TRPC4: variants seen among roughly 807,000 people sequenced by gnomAD.
The protein encoded by TRPC4 is transient receptor potential cation channel subfamily C member 4.
TRPC4 carries 49 observed loss-of-function variants against 99.4 expected under a neutral mutation model. That is an observed-to-expected ratio of 0.49 (90% CI 0.39 to 0.63). The LOEUF (loss-of-function observed/expected upper bound fraction) is 0.63, where lower values mean the gene tolerates loss of function less well. Ranked by LOEUF, TRPC4 falls within the 20% of genes least tolerant of loss-of-function variation. The probability of loss-of-function intolerance (pLI) is 0.00; values close to 1 mark genes in which losing one functional copy is unlikely to be tolerated. For missense variants in TRPC4, 898 were observed against 1,152.9 expected (o/e 0.78, Z 3.20); for synonymous variants, 454 against 425.9 (o/e 1.07, Z -0.81).
intron 2 of TRPC4, among the ~76,000 whole-genome samples, chr13:37,747,531 AC>A (rs1955820969): frequency 6.6e-6 from 1 of 152,170 alleles, no homozygotes; most frequent in Non-Finnish European, 1.5e-5. Flanking sequence ...ATGATGACTC[AC>A]GTCACATTGA....
chr13:37,764,977 C>T (rs1312380653), intron 2 of TRPC4, among the ~76,000 whole-genome samples: 1 of 150,668 alleles, frequency 6.6e-6, no homozygotes, highest in African/African-American at 2.4e-5. Context: ...ATGTTGTCCT[C>T]TTCAGGCTTT....
At chr13:37,714,319 G>T (rs1281631147) in intron 3 of TRPC4, among the ~76,000 whole-genome samples, 1 of 151,982 alleles carries the variant, frequency 6.6e-6, no homozygotes, top group Admixed American at 6.6e-5. Flanking sequence ...TAGAGACAGG[G>T]TTTCACCACG....
At chr13:37,657,602 T>A (rs1214963895) in intron 6 of TRPC4, among the ~76,000 whole-genome samples, 3 of 152,190 alleles carry the variant, frequency 2.0e-5, no homozygotes, top group Non-Finnish European at 4.4e-5. Flanking sequence ...AAGTTGTAAG[T>A]TAAATATTAT....
chr13:37,838,301 T>A (rs191029661), intron 1 of TRPC4, among the ~76,000 whole-genome samples: 3 of 152,172 alleles, frequency 2.0e-5, no homozygotes, highest in African/African-American at 7.2e-5. Context: ...TGGGAACTTA[T>A]TAGGAATGCA....
At chr13:37,850,340 G>T (rs1388150253) in intron 1 of TRPC4, among the ~76,000 whole-genome samples, 2 of 152,178 alleles carry the variant, frequency 1.3e-5, no homozygotes, top group African/African-American at 4.8e-5. Context: ...AGAGCTCTTA[G>T]TTGGAACTCA....
At position 37,755,462 on chromosome 13, in the gene TRPC4, G is replaced by T. The variant is rs148399110; in HGVS notation, c.379-9007C>A. Among the ~76,000 whole-genome samples the T allele has an allele frequency of 6.8e-3, 1,033 of 151,574 alleles. 6 individuals carry two copies. The highest frequency in any genetic ancestry group is 0.025 in the South Asian group (122 of 4,796). On this transcript the variant is annotated intron_variant, in intron 2 of 10. Transcript: ENST00000379705. ...TATTTTTTTATTTTTAGTAGAGACA[G>T]GGTCTCACTGTATTGCCCAGGCTGG... is the stretch of plus-strand genomic sequence containing the variant.
At chr13:37,816,607 A>G (rs373381538) in intron 1 of TRPC4, among the ~76,000 whole-genome samples, 2 of 152,058 alleles carry the variant, frequency 1.3e-5, no homozygotes, top group African/African-American at 4.8e-5. Context: ...CTTGAAGAAC[A>G]TTGATGCAAA....
chr13:37,727,225 C>T (rs1370069209), intron 3 of TRPC4, among the ~76,000 whole-genome samples: 16 of 151,886 alleles, frequency 1.1e-4, no homozygotes, highest in Admixed American at 1.1e-3. Flanking sequence ...TGATATCATA[C>T]AAAGTATCTT....
chr13:37,687,243 G>A (rs1404293841), intron 4 of TRPC4, among the ~76,000 whole-genome samples: 1 of 152,160 alleles, frequency 6.6e-6, no homozygotes, highest in African/African-American at 2.4e-5. Flanking sequence ...GATTATAGGT[G>A]TGAGCCACCA....
chr13:37,660,130 C>T (rs898589431), intron 6 of TRPC4, among the ~76,000 whole-genome samples: 3 of 151,852 alleles, frequency 2.0e-5, no homozygotes, highest in Non-Finnish European at 4.4e-5. Context: ...GGTTAGCATG[C>T]TAAGACATAC....
chr13:37,794,579 C>A (rs1012537788), intron 1 of TRPC4, among the ~76,000 whole-genome samples: 1 of 152,110 alleles, frequency 6.6e-6, no homozygotes, highest in Non-Finnish European at 1.5e-5. Flanking sequence ...AGATGGGTAG[C>A]TAAACTGGAT....
chr13:37,773,355 G>C (rs551805033), intron 2 of TRPC4, among the ~76,000 whole-genome samples: 1 of 151,790 alleles, frequency 6.6e-6, no homozygotes, highest in East Asian at 1.9e-4. Flanking sequence ...TTCAATATAC[G>C]TGGAAGGAAT....
intron 1 of TRPC4, among the ~76,000 whole-genome samples, chr13:37,800,123 A>T (rs2139427692): frequency 6.6e-6 from 1 of 152,342 alleles, no homozygotes; most frequent in East Asian, 1.9e-4. Context: ...GTTTAAGTCA[A>T]GTGATTTAGA....
At chr13:37,739,820 A>G (rs1018752406) in intron 3 of TRPC4, among the ~76,000 whole-genome samples, 6 of 152,004 alleles carry the variant, frequency 3.9e-5, no homozygotes, top group African/African-American at 1.2e-4. Context: ...AGATTTTCAA[A>G]CTTATTTTTT....
intron 3 of TRPC4, among the ~76,000 whole-genome samples, chr13:37,733,768 T>A (rs982292758): frequency 2.6e-5 from 4 of 152,098 alleles, no homozygotes; most frequent in Non-Finnish European, 5.9e-5. Flanking sequence ...GTTTCAGGGA[T>A]TGAAACTGCA....
At chr13:37,801,516 G>C (rs116769124) in intron 1 of TRPC4, among the ~76,000 whole-genome samples, 1,626 of 152,184 alleles carry the variant, frequency 0.011, 21 homozygotes, top group African/African-American at 0.037. Flanking sequence ...ATAAAAAAAG[G>C]TTATAAATCT....
At chr13:37,715,858 A>G (rs1257825234) in intron 3 of TRPC4, among the ~76,000 whole-genome samples, 2 of 152,142 alleles carry the variant, frequency 1.3e-5, no homozygotes, top group African/African-American at 4.8e-5. Flanking sequence ...CTCCTCTTGT[A>G]ACTGTATATG....
chr13:37,742,286 A>T (rs1361253892), intron 3 of TRPC4, among the ~76,000 whole-genome samples: 1 of 152,160 alleles, frequency 6.6e-6, no homozygotes, highest in East Asian at 1.9e-4. Context: ...AATTGTTTTA[A>T]TATGTTGATT....
At chr13:37,750,554 T>A (rs1482463814) in intron 2 of TRPC4, among the ~76,000 whole-genome samples, 2 of 152,288 alleles carry the variant, frequency 1.3e-5, no homozygotes, top group South Asian at 4.1e-4. Context: ...GTATGGCAAA[T>A]TATATTAATA....
Sources: allele counts gnomAD v4.1 joint callset (sites outside exome capture counted in the v4.1 genomes callset), GRCh38; gene constraint gnomAD v4.1.1; transcripts MANE v1.5; gene names NCBI Gene and HGNC (gene_info 2026-07-23, HGNC 2026-07-21).